NEK11: variants seen among roughly 807,000 people sequenced by gnomAD.
NEK11 encodes serine/threonine-protein kinase Nek11.
In NEK11, 72 loss-of-function variants were observed where a neutral mutation model predicts 80.7. That is an observed-to-expected ratio of 0.89 (90% CI 0.74 to 1.08). The LOEUF (loss-of-function observed/expected upper bound fraction) is 1.08. NEK11 is among the 50% of genes least tolerant of loss of function. The pLI is 0.00. For synonymous variants in NEK11, 251 were observed against 260.7 expected (o/e 0.96, Z 0.36); for missense variants, 764 against 763.6 (o/e 1.00, Z -0.01).
In NEK11 at chr3:131,080,512, A is replaced by G. The variant is rs145554448; in HGVS notation, c.260A>G (p.Asp87Gly). 2.9e-5 allele frequency: 47 copies of G among 1,613,996 alleles called. No individual in the cohort carries two copies. Among genetic ancestry groups the G allele is most frequent in the Admixed American group, 2.0e-4 (12 of 59,996 alleles). ...NLEAQLLSKL[D>G]HPAIVKFHAS... ...GAAGCCCAACTCCTCTCCAAGCTGGACCACCCAGCCATTGTCAAGTTCCAT... is the reference window on the plus strand; with the variant it reads ...GAAGCCCAACTCCTCTCCAAGCTGGGCCACCCAGCCATTGTCAAGTTCCAT... Residue 87 changes from aspartate (D) to glycine (G), a missense_variant, in exon 4 of 18, where the codon GAC (aspartate) becomes GGC (glycine). By Grantham distance (94) the Asp-to-Gly change is moderately conservative (BLOSUM62 -1). Coordinates refer to ENST00000383366, the MANE Select transcript of NEK11 (RefSeq NM_024800.5).
At chr3:131,282,538 C>T (rs1415448470) in intron 17 of NEK11, among the ~76,000 whole-genome samples, 1 of 152,132 alleles carries the variant, frequency 6.6e-6, no homozygotes, top group African/African-American at 2.4e-5. Context: ...GGTCAGAGCA[C>T]AGCCCTGGTA....
At chr3:131,330,852 G>A (rs2097065207) in intron 17 of NEK11, 1 of 151,126 alleles carries the variant, frequency 6.6e-6, no homozygotes, top group African/African-American at 2.4e-5. Flanking sequence ...GCCAGCATCT[G>A]GTAAGGGCCA....
chr3:131,148,876 G>A (rs952273817), intron 7 of NEK11, among the ~76,000 whole-genome samples: 48 of 151,504 alleles, frequency 3.2e-4, no homozygotes, highest in Non-Finnish European at 5.8e-4. Context: ...CATAATAGTC[G>A]TACATATTTA....
chr3:131,296,414 G>A (rs1000752092), intron 17 of NEK11, among the ~76,000 whole-genome samples: 1 of 152,076 alleles, frequency 6.6e-6, no homozygotes, highest in Admixed American at 6.6e-5. Context: ...TCTTTCTTCA[G>A]TGATCTTTCT....
chr3:131,348,149 G>T (rs963802970), intron 17 of NEK11, among the ~76,000 whole-genome samples: 4 of 151,912 alleles, frequency 2.6e-5, no homozygotes, highest in African/African-American at 9.7e-5. Context: ...TTTTTAGAGT[G>T]AACACACACA....
At chr3:131,156,683 C>T (rs1050571191) in intron 10 of NEK11, among the ~76,000 whole-genome samples, 17 of 152,076 alleles carry the variant, frequency 1.1e-4, no homozygotes, top group Non-Finnish European at 2.1e-4. Flanking sequence ...AGGTAATACT[C>T]TGTATTACTT....
intron 16 of NEK11, among the ~76,000 whole-genome samples, chr3:131,252,004 A>G (rs751113344): frequency 2.0e-5 from 3 of 152,086 alleles, no homozygotes; most frequent in Non-Finnish European, 4.4e-5. Context: ...CATGAAGACA[A>G]TCCCATCACA....
At chr3:131,122,793 T>C (rs371255519) in intron 5 of NEK11, among the ~76,000 whole-genome samples, 3 of 152,194 alleles carry the variant, frequency 2.0e-5, no homozygotes, top group African/African-American at 7.2e-5. Context: ...CTCCACAGAC[T>C]GTTCTTCATC....
At chr3:131,214,784 G>T (rs77559166) in intron 14 of NEK11, among the ~76,000 whole-genome samples, 1 of 151,442 alleles carries the variant, frequency 6.6e-6, no homozygotes, top group African/African-American at 2.4e-5. Context: ...ACTTAGAGAG[G>T]CACTTACAGC....
At chr3:131,038,694 A>T (rs1034200175) in intron 3 of NEK11, among the ~76,000 whole-genome samples, 1 of 152,218 alleles carries the variant, frequency 6.6e-6, no homozygotes, top group Non-Finnish European at 1.5e-5. Flanking sequence ...TTTTTCTTAC[A>T]TTACTGTTGT....
intron 5 of NEK11, among the ~76,000 whole-genome samples, chr3:131,115,992 T>TTCTTTTTCTTTC (rs1553878713): frequency 8.1e-6 from 1 of 123,218 alleles, no homozygotes; most frequent in East Asian, 2.3e-4. Context: ...CTTTCTTTAT[T>TTCTTTTTCTTTC]ATACTTTAAG....
At chr3:131,338,062 G>A (rs1326664316) in intron 17 of NEK11, among the ~76,000 whole-genome samples, 3 of 152,088 alleles carry the variant, frequency 2.0e-5, no homozygotes, top group Non-Finnish European at 2.9e-5. Flanking sequence ...CACCTCCTGG[G>A]TTCAAGCAAT....
chr3:131,194,608 T>C lies in NEK11; in HGVS notation c.1399+23721T>C, dbSNP rs192658259. The stretch of plus-strand genomic sequence containing the variant: ...TATTTACATTGTTTTTATAAATTTA[T>C]ATTTTATAATTAAATAATTATCTCA... On this transcript the variant is annotated intron_variant, in intron 14 of 17. Transcript: ENST00000383366. Among the ~76,000 whole-genome samples the C allele has an allele frequency of 3.1e-3, 466 of 152,186 alleles. 1 individual carries two copies. The highest frequency in any genetic ancestry group is 9.0e-3 in the African/African-American group (375 of 41,594).
Position 131,349,934 on chromosome 3 carries a change from A to C in NEK11, c.*158A>C, listed in dbSNP as rs1230592468. 6 of 619,724 alleles carry C rather than the reference A, an allele frequency of 9.7e-6. No individual in the cohort carries two copies. The Admixed American group carries it at 1.8e-4, about 18-fold the overall frequency. 38.4% of individuals were successfully genotyped at this position (619,724 alleles called of 1,614,324 possible). On this transcript the variant is annotated 3_prime_UTR_variant, in exon 18 of 18. Coordinates refer to ENST00000383366, the MANE Select transcript of NEK11 (RefSeq NM_024800.5). ...AGAAGTACTGGCTTCTTTAGAGAGTAGTAAGCATGGCTGCCTATGCTTGGA... is the reference window on the plus strand; with the variant it reads ...AGAAGTACTGGCTTCTTTAGAGAGTCGTAAGCATGGCTGCCTATGCTTGGA...
chr3:131,045,751 G>A (rs2067279388), intron 3 of NEK11, among the ~76,000 whole-genome samples: 3 of 152,124 alleles, frequency 2.0e-5, no homozygotes, highest in Admixed American at 2.0e-4. Context: ...CATTTCTTAG[G>A]TCTAGTAGTA....
chr3:131,171,032 C>G (rs1237388612), intron 14 of NEK11, 145 bp downstream of exon 14: 1 of 701,252 alleles, frequency 1.4e-6, no homozygotes, highest in Non-Finnish European at 2.6e-6. Context: ...TGGGCTATGA[C>G]CAGGATGAAA....
At chr3:131,251,315 A>G (rs1326942465) in intron 16 of NEK11, among the ~76,000 whole-genome samples, 1 of 152,022 alleles carries the variant, frequency 6.6e-6, no homozygotes, top group African/African-American at 2.4e-5. Flanking sequence ...GACTTAAAAA[A>G]GTACTAGGTA....
At chr3:131,174,685 TAATGCTAATGA>T in intron 14 of NEK11, 5 of 1,413,190 alleles carry the variant, frequency 3.5e-6, no homozygotes, top group Non-Finnish European at 4.8e-6. Flanking sequence ...TTCTTATATG[TAATGCTAATGA>T]TATCTTGCAC....
At chr3:131,078,100 T>G (rs1355384834) in intron 3 of NEK11, among the ~76,000 whole-genome samples, 1 of 152,200 alleles carries the variant, frequency 6.6e-6, no homozygotes, top group Non-Finnish European at 1.5e-5. Flanking sequence ...CCCTTTCTAA[T>G]GCAAATTGGC....
Sources: allele counts gnomAD v4.1 joint callset (sites outside exome capture counted in the v4.1 genomes callset), GRCh38; gene constraint gnomAD v4.1.1; transcripts MANE v1.5; gene names NCBI Gene and HGNC (gene_info 2026-07-23, HGNC 2026-07-21).